PCDH7: variants seen among roughly 807,000 people sequenced by gnomAD.
PCDH7 encodes the protein protocadherin 7.
Under a neutral mutation model 58.9 loss-of-function variants are expected in PCDH7, and 17 were observed. The ratio of observed to expected loss-of-function variants is 0.29; its 90% CI spans 0.20 to 0.43. PCDH7 has a LOEUF of 0.43. PCDH7 is among the 20% of genes least tolerant of loss of function. The probability of loss-of-function intolerance (pLI) is 1.00; values close to 1 mark genes in which losing one functional copy is unlikely to be tolerated. For synonymous variants in PCDH7, 664 were observed against 616.4 expected (o/e 1.08, Z -1.14); for missense variants, 1,274 against 1,441.0 (o/e 0.88, Z 1.88).
At chr4:30,930,774 A>C (rs1468531848) in intron 2 of PCDH7, among the ~76,000 whole-genome samples, 1 of 152,020 alleles carries the variant, frequency 6.6e-6, no homozygotes, top group Admixed American at 6.6e-5. Context: ...TCTGCAAAAA[A>C]AAAAAAGTTT....
At chr4:31,046,096 A>G (rs911678231) in intron 3 of PCDH7, among the ~76,000 whole-genome samples, 2 of 151,948 alleles carry the variant, frequency 1.3e-5, no homozygotes, top group African/African-American at 2.4e-5. Flanking sequence ...GTTGTAGACC[A>G]TGGGTTGACT....
intron 1 of PCDH7, among the ~76,000 whole-genome samples, chr4:30,838,699 C>T (rs1730827565): frequency 6.6e-6 from 1 of 151,712 alleles, no homozygotes; most frequent in Non-Finnish European, 1.5e-5. Flanking sequence ...CAGATTGGTT[C>T]TCTCTATGCA....
chr4:30,749,631 GA>G (rs1421364755), intron 1 of PCDH7, among the ~76,000 whole-genome samples: 1 of 152,112 alleles, frequency 6.6e-6, no homozygotes, highest in Admixed American at 6.5e-5. Context: ...CTAAGGGGAA[GA>G]AAAAGAGATA....
chr4:30,946,531 T>G (rs904554501), intron 2 of PCDH7, among the ~76,000 whole-genome samples: 1 of 151,930 alleles, frequency 6.6e-6, no homozygotes, highest in African/African-American at 2.4e-5. Context: ...ATAAACTTTT[T>G]TTTTTCTTTT....
At chr4:30,953,994 G>A (rs1209786323) in intron 3 of PCDH7, among the ~76,000 whole-genome samples, 1 of 152,066 alleles carries the variant, frequency 6.6e-6, no homozygotes, top group Non-Finnish European at 1.5e-5. Flanking sequence ...GGCAAAACAA[G>A]ATTAAAAGAT....
chr4:30,900,807 C>T (rs1223465155), intron 1 of PCDH7, among the ~76,000 whole-genome samples: 1 of 152,014 alleles, frequency 6.6e-6, no homozygotes, highest in African/African-American at 2.4e-5. Flanking sequence ...AAGGAACTTG[C>T]ATTTGATCAC....
intron 3 of PCDH7, among the ~76,000 whole-genome samples, chr4:31,056,493 G>GAA (rs1757226117): frequency 7.6e-6 from 1 of 130,808 alleles, no homozygotes; most frequent in African/African-American, 2.8e-5. Context: ...AAGAAAGAAA[G>GAA]AAAGAAAGAA....
intron 1 of PCDH7, among the ~76,000 whole-genome samples, chr4:30,870,157 T>G (rs1445742032): frequency 1.3e-5 from 2 of 152,170 alleles, no homozygotes; most frequent in African/African-American, 4.8e-5. Flanking sequence ...TAACTTTGTT[T>G]AAGTTTGTTT....
chr4:31,086,640 T>A (rs369068639), intron 3 of PCDH7, among the ~76,000 whole-genome samples: 120 of 152,344 alleles, frequency 7.9e-4, no homozygotes, highest in East Asian at 1.5e-3. Context: ...GATATTTATA[T>A]GTTTATGTTT....
rs114556425 is a variant in PCDH7, at chr4:31,123,729, A to G, written c.*8-18744A>G. Among the ~76,000 whole-genome samples the G allele has an allele frequency of 5.4e-3, 819 of 152,294 alleles. 7 individuals carry two copies. The highest frequency in any genetic ancestry group is 0.018 in the African/African-American group (767 of 41,562). On this transcript the variant is annotated intron_variant, in intron 3 of 3. Coordinates refer to the PCDH7 transcript ENST00000509759. ...CACCCATAATTCTTGTCCAGCGTCC[A>G]GGAAGAACCAGGTCCCACGAACAGA... is the stretch of plus-strand genomic sequence containing the variant.
chr4:30,739,970 G>T (rs61796165), intron 1 of PCDH7, among the ~76,000 whole-genome samples: 1 of 152,088 alleles, frequency 6.6e-6, no homozygotes, highest in African/African-American at 2.4e-5. Flanking sequence ...TATATTTTAG[G>T]CACTGGTCAA....
At chr4:30,914,500 A>G (rs1342358095) in intron 1 of PCDH7, among the ~76,000 whole-genome samples, 1 of 152,212 alleles carries the variant, frequency 6.6e-6, no homozygotes, top group Non-Finnish European at 1.5e-5. Flanking sequence ...GTTGAGTATT[A>G]TTGTATGTAC....
downstream of PCDH7, chr4:31,145,898 T>G (rs1560269464): frequency 6.6e-6 from 1 of 152,144 alleles, no homozygotes; most frequent in Non-Finnish European, 1.5e-5. Flanking sequence ...TCATTTTGGT[T>G]GTACAGTATA....
intron 3 of PCDH7, among the ~76,000 whole-genome samples, chr4:31,109,362 A>G (rs1381820217): frequency 6.6e-6 from 1 of 152,248 alleles, no homozygotes; most frequent in Admixed American, 6.5e-5. Context: ...AAGCATATTT[A>G]TTAAAGTAAG....
chr4:31,093,885 A>G (rs1713596180), intron 3 of PCDH7, among the ~76,000 whole-genome samples: 1 of 152,128 alleles, frequency 6.6e-6, no homozygotes, highest in South Asian at 2.1e-4. Flanking sequence ...ATAGAAGTTG[A>G]TTATAAATTT....
At chr4:30,937,189 A>G (rs530621266) in intron 2 of PCDH7, among the ~76,000 whole-genome samples, 104 of 152,208 alleles carry the variant, frequency 6.8e-4, no homozygotes, top group African/African-American at 2.5e-3. Context: ...TTTATTTAAT[A>G]CTTCTAATAT....
chr4:30,856,473 A>G (rs1215033487), intron 1 of PCDH7, among the ~76,000 whole-genome samples: 3 of 152,110 alleles, frequency 2.0e-5, no homozygotes, highest in Non-Finnish European at 4.4e-5. Flanking sequence ...ATTCAAGATG[A>G]TAGGATTTTA....
intron 1 of PCDH7, among the ~76,000 whole-genome samples, chr4:30,805,942 T>G (rs1192581280): frequency 6.6e-6 from 1 of 152,172 alleles, no homozygotes; most frequent in Non-Finnish European, 1.5e-5. Context: ...GGACCAGAAG[T>G]GTTTTGGATT....
At chr4:30,836,684 G>A (rs566653239) in intron 1 of PCDH7, among the ~76,000 whole-genome samples, 1 of 151,928 alleles carries the variant, frequency 6.6e-6, no homozygotes, top group East Asian at 1.9e-4. Flanking sequence ...GTAAAATAAT[G>A]TTATGATAAA....
Sources: gnomAD v4.1 joint callset for allele counts (sites outside exome capture counted in the v4.1 genomes callset) on GRCh38, gnomAD v4.1.1 for gene constraint, MANE v1.5 for transcripts, NCBI Gene and HGNC (gene_info 2026-07-23, HGNC 2026-07-21) for gene names.